RBM18: variants seen among roughly 807,000 people sequenced by gnomAD.
RBM18 encodes probable RNA-binding protein 18.
In RBM18, 18 loss-of-function variants were observed where a neutral mutation model predicts 26.4. The observed-to-expected ratio is 0.68, with a 90% CI of 0.47 to 1.01. The LOEUF (loss-of-function observed/expected upper bound fraction) is 1.01, where lower values mean the gene tolerates loss of function less well. Ranked by LOEUF, RBM18 falls within the 50% of genes least tolerant of loss-of-function variation. The probability of loss-of-function intolerance (pLI) is 0.00; values close to 1 mark genes in which losing one functional copy is unlikely to be tolerated. For missense variants in RBM18, 180 were observed against 219.2 expected, an observed-to-expected ratio of 0.82 and a Z score of 1.13; for synonymous variants, 74 against 81.1, an observed-to-expected ratio of 0.91 and a Z score of 0.47.
intron 1 of RBM18, among the ~76,000 whole-genome samples, chr9:122,262,511 G>A (rs1439119988): frequency 6.6e-6 from 1 of 152,224 alleles, no homozygotes; most frequent in Non-Finnish European, 1.5e-5. Flanking sequence ...TGATTATGAT[G>A]GAGACAGCAG....
At chr9:122,257,872 T>C (rs1287100161) in intron 2 of RBM18, among the ~76,000 whole-genome samples, 1 of 152,060 alleles carries the variant, frequency 6.6e-6, no homozygotes, top group Admixed American at 6.6e-5. Context: ...CTAGCAGCAA[T>C]TTGTGGATAG....
At chr9:122,259,860 A>AT (rs1831758215) in intron 2 of RBM18, among the ~76,000 whole-genome samples, 1 of 151,828 alleles carries the variant, frequency 6.6e-6, no homozygotes, top group Non-Finnish European at 1.5e-5. Context: ...TGCCTGGCTA[A>AT]TTTTTTCATT....
Position 122,239,260 on chromosome 9 carries a change from G to C in RBM18, c.*2624C>G, listed in dbSNP as rs1302684828. ...GACGGTGTCTCACTCTGTTGCCCAG[G>C]CTGGAGTGCAGTGGCACAATCTCGG... On this transcript the variant is annotated 3_prime_UTR_variant, in exon 6 of 6. Transcript: ENST00000417201. 6.6e-6 allele frequency: 1 copy of C among 151,990 alleles called. No individual in the cohort carries two copies. Among genetic ancestry groups the C allele is most frequent in the Non-Finnish European group, 1.5e-5 (1 of 68,024 alleles). 9.4% of individuals were successfully genotyped at this position (151,990 alleles called of 1,614,324 possible). A position where few individuals can be genotyped will look rare whatever the true frequency, so the allele number is the denominator to read the frequency against.
intron 2 of RBM18, 51 bp from the exon 3 acceptor site, chr9:122,252,024 C>T: frequency 5.6e-6 from 9 of 1,606,188 alleles, no homozygotes; most frequent in Non-Finnish European, 7.7e-6. Flanking sequence ...CTGTTGGCCA[C>T]TCAGCCTGAA....
chr9:122,240,794 G>A lies in RBM18; in HGVS notation c.*1090C>T, dbSNP rs2055065326. On this transcript the variant is annotated 3_prime_UTR_variant, in exon 6 of 6. Transcript: ENST00000417201. The stretch of plus-strand genomic sequence containing the variant: ...AAGTGAAGAATCATTTCCAAGGCAT[G>A]CAGTCCTTTAAAACTACCTACCACA... 1 of 152,190 alleles carries A rather than the reference G, an allele frequency of 6.6e-6. No homozygotes were observed. The highest frequency in any genetic ancestry group is 2.4e-5 in the African/African-American group (1 of 41,434). The allele number at this position is 152,190 out of a possible 1,614,324, so 9.4% of individuals were successfully genotyped here.
intron 4 of RBM18, among the ~76,000 whole-genome samples, chr9:122,246,453 G>T (rs11791245): frequency 0.029 from 4,380 of 152,324 alleles, 80 homozygotes; most frequent in Non-Finnish European, 0.038. Context: ...GATTTCTCTT[G>T]CGTGCCTTTT....
At chr9:122,248,582 GA>G (rs1831544421) in intron 3 of RBM18, among the ~76,000 whole-genome samples, 1 of 152,182 alleles carries the variant, frequency 6.6e-6, no homozygotes, top group East Asian at 1.9e-4. Context: ...TTTCAGAGCC[GA>G]AAGTTCCTTG....
intron 4 of RBM18, 89 bp from the exon 5 acceptor site, chr9:122,245,430 T>A: frequency 1.3e-6 from 1 of 743,886 alleles, no homozygotes; most frequent in East Asian, 2.6e-5. Flanking sequence ...ATACCATCAG[T>A]ATATCATCAG....
intron 1 of RBM18, among the ~76,000 whole-genome samples, chr9:122,262,160 A>T (rs1276315660): frequency 6.6e-6 from 1 of 152,208 alleles, no homozygotes; most frequent in East Asian, 1.9e-4. Context: ...TGTATCTAAC[A>T]ACAGTAAGTA....
At chr9:122,242,872 G>A (rs1385602653) in intron 5 of RBM18, among the ~76,000 whole-genome samples, 1 of 152,066 alleles carries the variant, frequency 6.6e-6, no homozygotes, top group Non-Finnish European at 1.5e-5. Flanking sequence ...GTGTCGTCAG[G>A]CTGGAGTGCA....
chr9:122,238,170 A>G lies in RBM18; in HGVS notation c.*3714T>C, dbSNP rs965944266. On this transcript the variant is annotated 3_prime_UTR_variant, in exon 6 of 6. Transcript: ENST00000417201. ...AGGGGGCTATATGAGATGGTCTCTTAAGGCCCTTTGGCTCTCAAATACCAG... is the reference window on the plus strand; with the variant it reads ...AGGGGGCTATATGAGATGGTCTCTTGAGGCCCTTTGGCTCTCAAATACCAG... The G allele has an allele frequency of 6.6e-6, 1 of 152,328 alleles. No homozygotes were observed. Among genetic ancestry groups the G allele is most frequent in the Middle Eastern group, 3.4e-3 (1 of 294 alleles). The allele number at this position is 152,328 out of a possible 1,614,324, so 9.4% of individuals were successfully genotyped here. A position where few individuals can be genotyped will look rare whatever the true frequency, so the allele number is the denominator to read the frequency against.
At chr9:122,247,094 C>T (rs1424903385) in intron 4 of RBM18, among the ~76,000 whole-genome samples, 1 of 152,118 alleles carries the variant, frequency 6.6e-6, no homozygotes, top group Non-Finnish European at 1.5e-5. Context: ...GCTTTAAGCA[C>T]TCACAGAAAC....
Position 122,238,335 on chromosome 9 carries a change from A to T in RBM18, c.*3549T>A, listed in dbSNP as rs1031199877. ...TTCCAATAAAAAGAGACAAAAAAAA[A>T]TTTAGATATAATGTTGGTTAGCGGT... On this transcript the variant is annotated 3_prime_UTR_variant, in exon 6 of 6. Transcript: ENST00000417201. 1 of 152,254 alleles carries T rather than the reference A, an allele frequency of 6.6e-6. No homozygotes were observed. The highest frequency in any genetic ancestry group is 1.5e-5 in the Non-Finnish European group (1 of 68,050). The allele number at this position is 152,254 out of a possible 1,614,324, so 9.4% of individuals were successfully genotyped here.
intron 2 of RBM18, among the ~76,000 whole-genome samples, chr9:122,257,859 G>A (rs1831722968): frequency 6.6e-6 from 1 of 152,144 alleles, no homozygotes; most frequent in Admixed American, 6.6e-5. Flanking sequence ...GAAGTGGTAG[G>A]AACTAGCAGC....
At chr9:122,251,761 C>CTGCT in intron 3 of RBM18, 86 bp downstream of exon 3, 1 of 1,259,978 alleles carries the variant, frequency 7.9e-7, no homozygotes, top group Non-Finnish European at 1.1e-6. Flanking sequence ...CTACAGGGAA[C>CTGCT]TGCTATTCTA....
At chr9:122,247,644 T>C (rs750265252) in intron 3 of RBM18, 40 bp from the exon 4 acceptor site, 29 of 1,480,562 alleles carry the variant, frequency 2.0e-5, no homozygotes, top group Middle Eastern at 3.9e-4. Context: ...AAAACTGAAA[T>C]GCTTAACTAG....
At chr9:122,243,664 C>T (rs1831460352) in intron 5 of RBM18, 1 of 900,756 alleles carries the variant, frequency 1.1e-6, no homozygotes, top group Non-Finnish European at 1.3e-6. Flanking sequence ...TATACATGGG[C>T]TTTTGGAGAT....
intron 4 of RBM18, 117 bp downstream of exon 4, chr9:122,247,401 G>T: frequency 1.2e-6 from 1 of 829,788 alleles, no homozygotes; most frequent in Non-Finnish European, 2.0e-6. Flanking sequence ...GTAGGAGACT[G>T]AAGTATGGCT....
intron 2 of RBM18, among the ~76,000 whole-genome samples, chr9:122,253,044 T>G (rs1462137115): frequency 1.3e-5 from 2 of 152,190 alleles, no homozygotes; most frequent in African/African-American, 4.8e-5. Flanking sequence ...GAGTCAAGGC[T>G]TTCTCTAAAC....
Sources: allele counts gnomAD v4.1 joint callset (sites outside exome capture counted in the v4.1 genomes callset), GRCh38; gene constraint gnomAD v4.1.1; transcripts MANE v1.5; gene names NCBI Gene and HGNC (gene_info 2026-07-23, HGNC 2026-07-21).